The following MLXIP variants were observed in gnomAD, a reference collection of about 807,000 sequenced individuals.
MLXIP encodes the protein MLX interacting protein.
Under a neutral mutation model 87.2 loss-of-function variants are expected in MLXIP, and 30 were observed. The ratio of observed to expected loss-of-function variants is 0.34; its 90% confidence interval spans 0.26 to 0.47. MLXIP has a LOEUF of 0.47. Among genes scored for constraint, MLXIP ranks in the 20% least tolerant of loss-of-function variants. MLXIP has a pLI of 1.00. For missense variants in MLXIP, 1,002 were observed against 1,240.1 expected, an observed-to-expected ratio of 0.81 and a Z score of 2.88; for synonymous variants, 530 against 514.0, an observed-to-expected ratio of 1.03 and a Z score of -0.42.
intron 1 of MLXIP, among the ~76,000 whole-genome samples, chr12:122,093,879 G>C (rs1447899589): frequency 1.4e-5 from 2 of 143,740 alleles, no homozygotes; most frequent in African/African-American, 5.2e-5. Flanking sequence ...GGGTGTGTTG[G>C]TGTGTGTTGG....
intron 1 of MLXIP, among the ~76,000 whole-genome samples, chr12:122,109,315 C>T (rs945119640): frequency 1.3e-5 from 2 of 152,190 alleles, no homozygotes; most frequent in African/African-American, 2.4e-5. Context: ...GTGATCCGCC[C>T]GCCTTGGCCT....
chr12:122,099,451 G>T (rs145877883), intron 1 of MLXIP, among the ~76,000 whole-genome samples: 3 of 152,126 alleles, frequency 2.0e-5, no homozygotes, highest in Non-Finnish European at 4.4e-5. Context: ...ATCGTGCTGC[G>T]CACTGGTGGC....
At position 122,142,025 on chromosome 12, in the gene MLXIP, T is replaced by C. The variant is rs1316727701; in HGVS notation, c.*213T>C. 4 of 703,850 alleles carry C rather than the reference T, an allele frequency of 5.7e-6. No individual in the cohort carries two copies. The highest frequency in any genetic ancestry group is 9.6e-6 in the Non-Finnish European group (4 of 416,208). The allele number at this position is 703,850 out of a possible 1,614,324, so 43.6% of individuals were successfully genotyped here. On this transcript the variant is annotated 3_prime_UTR_variant, in exon 17 of 17. Transcript: ENST00000319080. Reference sequence around the variant, plus strand: ...GCCCGCCTTTGGGAACCCCTTGCTGTGAACTCTCTCACTCAGTGACCTCAG... The same window carrying C: ...GCCCGCCTTTGGGAACCCCTTGCTGCGAACTCTCTCACTCAGTGACCTCAG...
rs1437293842 is a variant in MLXIP at position 122,143,992 on chromosome 12, A to G, written c.*2180A>G. ...GTAACTCATTCTCTTGGTGCTCACG[A>G]TTGCCATGGCCATAGGGCCACAGTG... On this transcript the variant is annotated 3_prime_UTR_variant, in exon 17 of 17. Transcript: ENST00000319080. The G allele has an allele frequency of 6.5e-6, 1 of 152,688 alleles. No homozygotes were observed. The highest frequency in any genetic ancestry group is 1.5e-5 in the Non-Finnish European group (1 of 68,066). The allele number at this position is 152,688 out of a possible 1,614,324, so 9.5% of individuals were successfully genotyped here.
intron 1 of MLXIP, among the ~76,000 whole-genome samples, chr12:122,112,588 A>G (rs1472895205): frequency 2.6e-5 from 4 of 151,930 alleles, no homozygotes; most frequent in Admixed American, 6.6e-5. Flanking sequence ...CAGAGCTTGC[A>G]GTGAGCCAAG....
At chr12:122,103,307 C>T (rs1343079223) in intron 1 of MLXIP, among the ~76,000 whole-genome samples, 2 of 151,980 alleles carry the variant, frequency 1.3e-5, no homozygotes, top group African/African-American at 4.8e-5. Flanking sequence ...TCACTGCAAC[C>T]TCCACCTTCT....
chr12:122,129,028 C>A, intron 3 of MLXIP, 109 bp from the exon 4 acceptor site: 1 of 853,106 alleles, frequency 1.2e-6, no homozygotes, highest in Non-Finnish European at 1.9e-6. Flanking sequence ...TGGGGTTTCC[C>A]GCTGGATTGC....
intron 1 of MLXIP, among the ~76,000 whole-genome samples, chr12:122,094,320 TTGG>T (rs1265009184): frequency 5.8e-5 from 8 of 137,570 alleles, no homozygotes; most frequent in Non-Finnish European, 9.4e-5. Context: ...GTGTGGTGTG[TTGG>T]TGTGTGTGTG....
intron 1 of MLXIP, among the ~76,000 whole-genome samples, chr12:122,093,861 GGT>G (rs1387816196): frequency 5.0e-5 from 7 of 139,370 alleles, no homozygotes; most frequent in South Asian, 4.7e-4. Context: ...TGCAGTGTCT[GGT>G]GTGTGGGGTG....
chr12:122,132,974 G>A lies in MLXIP; in HGVS notation c.1093-374G>A, dbSNP rs886729877. On this transcript the variant is annotated intron_variant, in intron 8 of 16. Coordinates refer to ENST00000319080, the MANE Select transcript of MLXIP (RefSeq NM_014938.6). ...AGGTGGCCTGATGACCAGTTGACAC[G>A]TGAAATTGTCCTCGGGGATTCCCGA... 6 of 202,378 alleles carry A rather than the reference G, an allele frequency of 3.0e-5. No homozygotes were observed. The East Asian group carries it at 5.8e-4, about 20-fold the overall frequency. The allele number at this position is 202,378 out of a possible 1,614,324, so 12.5% of individuals were successfully genotyped here.
Position 122,141,673 on chromosome 12 carries a change from AC to A in MLXIP, c.2639-15del. 3.7e-6 allele frequency: 6 copies of A among 1,612,164 alleles called. No homozygotes were observed. Among genetic ancestry groups the A allele is most frequent in the Non-Finnish European group, 5.1e-6 (6 of 1,179,074 alleles). ...GGGTCTGTGTCACTGCCTGTGTCTG[AC>A]CCTTTCTGTCTTGCAGTGGTATTGA... On this transcript the variant is annotated splice_polypyrimidine_tract_variant and intron_variant, in intron 16 of 16. Transcript: ENST00000319080.
rs1220653816 is a variant in MLXIP, at chr12:122,092,698, G to A, written c.413+13432G>A. ...CAGCATCACCACCATACTTGACTAA[G>A]GTGGGACTGTTTGCATAGGGTAATT... On this transcript the variant is annotated intron_variant, in intron 1 of 16. Transcript: ENST00000319080. Among the ~76,000 whole-genome samples the A allele has an allele frequency of 2.6e-5, 4 of 152,168 alleles. No individual in the cohort carries two copies. The South Asian group carries it at 8.3e-4, about 32-fold the overall frequency.
In MLXIP at chr12:122,133,802, C is replaced by A. The variant is rs547149739; in HGVS notation, c.1547C>A (p.Pro516Gln). 2 of 1,612,962 alleles carry A rather than the reference C, an allele frequency of 1.2e-6. No homozygotes were observed. The highest frequency in any genetic ancestry group is 1.7e-6 in the Non-Finnish European group (2 of 1,179,642). ...GTGATCACCACCCATCACCCTGCCC[C>A]GTCAGCGGCCCCTTGTGGGCTGGCA... ...GLVITTHHPA[P>Q]SAAPCGLALS... is the part of the protein sequence containing the mutation. Residue 516 changes from proline to glutamine, a missense_variant, in exon 9 of 17, where the codon CCG (proline) becomes CAG (glutamine). Pro to Gln is a moderately conservative substitution (Grantham distance 76). This residue lies in a region of MLXIP where 746 missense variants were observed against 897.0 expected (regional missense o/e 0.83). Transcript: ENST00000319080. The surrounding 1 kb of genome is among the most constrained non-coding windows in gnomAD (Gnocchi z 4.9).
At chr12:122,131,237 G>A (rs188795431) in intron 7 of MLXIP, among the ~76,000 whole-genome samples, 65 of 152,126 alleles carry the variant, frequency 4.3e-4, no homozygotes, top group African/African-American at 1.6e-3. Context: ...AGTTAGATGG[G>A]TCCTTGAGCA....
chr12:122,097,420 A>T (rs1280367938), intron 1 of MLXIP, among the ~76,000 whole-genome samples: 1 of 152,088 alleles, frequency 6.6e-6, no homozygotes, highest in South Asian at 2.1e-4. Context: ...CAGGAGTTCC[A>T]TATCATCCTG....
chr12:122,113,685 T>C (rs952718582), intron 1 of MLXIP, among the ~76,000 whole-genome samples: 1 of 130,254 alleles, frequency 7.7e-6, no homozygotes, highest in Non-Finnish European at 1.6e-5. Context: ...TCATTTCTTT[T>C]TTTTTTTTTT....
chr12:122,098,846 C>A (rs1392457488), intron 1 of MLXIP, among the ~76,000 whole-genome samples: 1 of 152,168 alleles, frequency 6.6e-6, no homozygotes, highest in Non-Finnish European at 1.5e-5. Context: ...TGGGGGTGGG[C>A]TGGGAGGAGG....
chr12:122,135,700 C>T lies in MLXIP; in HGVS notation c.2032+34C>T, dbSNP rs145846047. 8.4e-4 allele frequency: 1,228 copies of T among 1,458,442 alleles called. 12 individuals carry two copies. In the African/African-American group the frequency reaches 0.015, roughly 17 times the overall value. The allele number at this position is 1,458,442 out of a possible 1,614,324, so 90.3% of individuals were successfully genotyped here. ...TCACTCGGCGGGATGGTTGGGGCAT[C>T]GCAAGGGAAGTAACTGGGCCTGCCG... is the stretch of plus-strand genomic sequence containing the variant. On this transcript the variant is annotated intron_variant, in intron 11 of 16. Transcript: ENST00000319080. This position sits in a 1 kb window ranked among gnomAD's most constrained non-coding sequence, Gnocchi z 5.3.
intron 1 of MLXIP, among the ~76,000 whole-genome samples, chr12:122,086,825 G>A (rs1021485529): frequency 6.6e-6 from 1 of 152,142 alleles, no homozygotes. Flanking sequence ...TAGGTCCCCC[G>A]CGGGGGAGAT....
Sources: gnomAD v4.1 joint callset for allele counts (sites outside exome capture counted in the v4.1 genomes callset) on GRCh38, gnomAD v4.1.1 for gene constraint, gnomAD v4.1.1 regional missense constraint, Gnocchi (gnomAD v3.1) non-coding constraint, MANE v1.5 for transcripts, NCBI Gene and HGNC (gene_info 2026-07-23, HGNC 2026-07-21) for gene names.